ZNF253: variants seen among roughly 807,000 people sequenced by gnomAD.
The protein encoded by ZNF253 is zinc finger protein 253, also known as DNA-binding protein.
Under a neutral mutation model 11.9 loss-of-function variants are expected in ZNF253, and 8 were observed. That is an observed-to-expected ratio of 0.67 (90% CI 0.40 to 1.22). The LOEUF (loss-of-function observed/expected upper bound fraction) is 1.22, where lower values mean the gene tolerates loss of function less well. Among genes scored for constraint, ZNF253 ranks in the 50% most tolerant of loss-of-function variants. The probability of loss-of-function intolerance (pLI) is 0.01; values close to 1 mark genes in which losing one functional copy is unlikely to be tolerated. For missense variants in ZNF253, 485 were observed against 586.9 expected (o/e 0.83, Z 1.79); for synonymous variants, 194 against 194.9 (o/e 1.00, Z 0.04).
rs1439534937 is a variant in ZNF253, at chr19:19,891,538, G to T, written c.291G>T (p.Gly97=). 1 of 1,613,526 alleles carries T rather than the reference G, an allele frequency of 6.2e-7. No individual in the cohort carries two copies. The highest frequency in any genetic ancestry group is 1.3e-5 in the African/African-American group (1 of 74,876). ...ACATACAAAATTCTTTCCAAATAGG[G>T]ATGCTGAGAAGATATGAAGAATGCA... The part of the protein sequence containing the change: ...PENIQNSFQI[G]MLRRYEECRH... Residue 97 remains glycine, a synonymous_variant, in exon 4 of 4, where the codon GGG becomes GGT. Transcript: ENST00000589717.
intron 3 of ZNF253, among the ~76,000 whole-genome samples, chr19:19,882,795 C>T (rs1362584016): frequency 5.9e-5 from 9 of 151,528 alleles, no homozygotes; most frequent in African/African-American, 2.2e-4. Flanking sequence ...CATAGTGAAA[C>T]CCTGTTTCCA....
At chr19:19,871,818 T>G (rs2063134940) in intron 1 of ZNF253, among the ~76,000 whole-genome samples, 1 of 152,172 alleles carries the variant, frequency 6.6e-6, no homozygotes. Context: ...TTTGTCTTAT[T>G]GTGAAGATTT....
chr19:19,884,625 G>A (rs1002666963), intron 3 of ZNF253, among the ~76,000 whole-genome samples: 2 of 152,068 alleles, frequency 1.3e-5, no homozygotes, highest in African/African-American at 2.4e-5. Flanking sequence ...GCCCACCTTG[G>A]CCTCCCAGTG....
chr19:19,880,292 T>TTTTG lies in ZNF253; in HGVS notation c.226+146_226+147insTTTG, dbSNP rs34794238. 2.4e-3 allele frequency: 982 copies of TTTTG among 413,890 alleles called. 13 individuals carry two copies. The highest frequency in any genetic ancestry group is 0.016 in the African/African-American group (680 of 42,156). The allele number at this position is 413,890 out of a possible 1,614,324, so 25.6% of individuals were successfully genotyped here. Reference sequence around the variant, plus strand: ...GCAGCTGTTTTTTTTTTTTTTTTTTTCTCCCACAAAGGGGCATCTTCTGTC... The same window carrying TTTTG: ...GCAGCTGTTTTTTTTTTTTTTTTTTTTTTGCTCCCACAAAGGGGCATCTTCTGTC... On this transcript the variant is annotated intron_variant, in intron 3 of 3. Coordinates refer to ENST00000589717, the MANE Select transcript of ZNF253 (RefSeq NM_021047.3).
chr19:19,873,129 T>C (rs575491974), intron 1 of ZNF253, among the ~76,000 whole-genome samples: 1 of 152,096 alleles, frequency 6.6e-6, no homozygotes, highest in Admixed American at 6.5e-5. Flanking sequence ...GCTACAGTTA[T>C]GTCAGAGGCT....
intron 3 of ZNF253, among the ~76,000 whole-genome samples, chr19:19,885,205 C>CT (rs886334091): frequency 1.3e-5 from 2 of 149,772 alleles, no homozygotes; most frequent in Admixed American, 6.6e-5. Context: ...AATGTCATGT[C>CT]TTTTTTTTGT....
In ZNF253 at chr19:19,892,651, TA is replaced by T; in HGVS notation, c.1407del (p.Lys469AsnfsTer13). 1 of 1,613,572 alleles carries T rather than the reference TA, an allele frequency of 6.2e-7. No homozygotes were observed. Among genetic ancestry groups the T allele is most frequent in the Non-Finnish European group, 8.5e-7 (1 of 1,179,832 alleles). The stretch of plus-strand genomic sequence containing the variant: ...CTTTTAACTGGTCCTCAGACCTTAA[TA>T]AACATAAGAAAATTCATATTGAACG... ...KAFNWSSDLN[K>X]HKKIHIERKP... On this transcript the variant is annotated frameshift_variant, in exon 4 of 4. Coordinates refer to ENST00000589717, the MANE Select transcript of ZNF253 (RefSeq NM_021047.3). LOFTEE classifies it low-confidence loss of function (END_TRUNC).
chr19:19,886,017 C>G (rs983192622), intron 3 of ZNF253, among the ~76,000 whole-genome samples: 1 of 152,102 alleles, frequency 6.6e-6, no homozygotes, highest in African/African-American at 2.4e-5. Context: ...TGTTTTGAGA[C>G]AAGATCTTAC....
upstream of ZNF253, chr19:19,865,838 T>G (rs1474422120): frequency 1.1e-6 from 1 of 946,884 alleles, no homozygotes; most frequent in Admixed American, 1.8e-5. Context: ...GCGAACCACA[T>G]GGTTTCTGGG....
intron 2 of ZNF253, 139 bp downstream of exon 2, chr19:19,878,746 A>G: frequency 1.2e-6 from 1 of 852,148 alleles, no homozygotes; most frequent in South Asian, 2.3e-5. Flanking sequence ...GCCATATTTT[A>G]TTTATATTTC....
intron 1 of ZNF253, among the ~76,000 whole-genome samples, chr19:19,866,501 G>GT (rs34627033): frequency 0.13 from 18,561 of 144,396 alleles, 1,584 homozygotes; most frequent in African/African-American, 0.24. Context: ...AGGAAGGAAG[G>GT]TTTTTTTTTT....
intron 3 of ZNF253, among the ~76,000 whole-genome samples, chr19:19,881,338 A>C (rs932549936): frequency 6.6e-6 from 1 of 152,080 alleles, no homozygotes; most frequent in Non-Finnish European, 1.5e-5. Flanking sequence ...GGCGCAGTTT[A>C]AGTGTATGGA....
intron 1 of ZNF253, among the ~76,000 whole-genome samples, chr19:19,874,757 A>G (rs1041110152): frequency 6.6e-6 from 1 of 151,634 alleles, no homozygotes; most frequent in African/African-American, 2.4e-5. Context: ...TAAAAATACA[A>G]AAAAATTAGC....
Position 19,891,499 on chromosome 19 carries a change from C to T in ZNF253, c.252C>T (p.Asp84=). 1 of 1,602,634 alleles carries T rather than the reference C, an allele frequency of 6.2e-7. No homozygotes were observed. Among genetic ancestry groups the T allele is most frequent in the Non-Finnish European group, 8.5e-7 (1 of 1,174,974 alleles). The part of the protein sequence containing the change: ...PPVMSSHFAQ[D]LWPENIQNSF... The stretch of plus-strand genomic sequence containing the variant: ...TTATGAGTTCTCATTTTGCCCAAGA[C>T]CTTTGGCCAGAGAACATACAAAATT... The change falls in exon 4 of 4, where the codon GAC becomes GAT. Residue 84 remains aspartate (D), a synonymous_variant. Coordinates refer to ENST00000589717, the MANE Select transcript of ZNF253 (RefSeq NM_021047.3).
At position 19,885,309 on chromosome 19, in the gene ZNF253, T is replaced by C. The variant is rs1315669265; in HGVS notation, c.226+5163T>C. Among the ~76,000 whole-genome samples, 76 of 73,652 alleles carry C rather than the reference T, an allele frequency of 1.0e-3. 10 individuals are homozygous for C. The highest frequency in any genetic ancestry group is 8.0e-3 in the African/African-American group (76 of 9,554). The allele number at this position is 73,652 out of a possible 152,430, so 48.3% of individuals were successfully genotyped here. A position where few individuals can be genotyped will look rare whatever the true frequency, so the allele number is the denominator to read the frequency against. The stretch of plus-strand genomic sequence containing the variant: ...TTTCTTTCTCTTTCTTTTCTTTCTT[T>C]CTTTCTTTCTTTCTTTCTTTCTTTC... On this transcript the variant is annotated intron_variant, in intron 3 of 3. Coordinates refer to ENST00000589717, the MANE Select transcript of ZNF253 (RefSeq NM_021047.3).
At chr19:19,880,269 A>C in intron 3 of ZNF253, 123 bp downstream of exon 3, 1 of 508,412 alleles carries the variant, frequency 2.0e-6, no homozygotes, top group East Asian at 5.0e-5. Context: ...GGTCCTGGGC[A>C]GCTGTTTTTT....
At chr19:19,885,686 C>T (rs748781916) in intron 3 of ZNF253, among the ~76,000 whole-genome samples, 2 of 152,044 alleles carry the variant, frequency 1.3e-5, no homozygotes, top group African/African-American at 4.8e-5. Flanking sequence ...CCACCGTGCC[C>T]GGCTTGTTTT....
rs758003839 is a variant in ZNF253 at position 19,892,302 on chromosome 19, C to T, written c.1055C>T (p.Ser352Phe). 6.2e-6 allele frequency: 10 copies of T among 1,611,618 alleles called. No homozygotes were observed. The East Asian group carries it at 2.2e-4, about 36-fold the overall frequency. Residue 352 changes from serine (S) to phenylalanine (F), a missense_variant, in exon 4 of 4, where the codon TCC becomes TTC. Ser to Phe is a radical substitution (Grantham distance 155). This residue lies in a region of ZNF253 where 232 missense variants were observed against 321.4 expected (regional missense o/e 0.72). Transcript: ENST00000589717. ...GAATGTGGCAAAGCCTTTCACCTAT[C>T]CTCACACCTTACTACACATAAGATA... ...CEECGKAFHL[S>F]SHLTTHKILH...
rs147030510 is a variant in ZNF253, at chr19:19,875,754, A to G, written c.4-2727A>G. 3.4e-3 allele frequency among the ~76,000 whole-genome samples: 514 copies of G among 152,012 alleles called. 1 individual carries two copies. The highest frequency in any genetic ancestry group is 8.1e-3 in the Admixed American group (123 of 15,232). ...CTACATTTAGCTTTTATTCTATGTA[A>G]TTTTTTTAAAAAGTTGATGATGGAG... On this transcript the variant is annotated intron_variant, in intron 1 of 3. Coordinates refer to ENST00000589717, the MANE Select transcript of ZNF253 (RefSeq NM_021047.3).
Sources: gnomAD v4.1 joint callset for allele counts (sites outside exome capture counted in the v4.1 genomes callset) on GRCh38, gnomAD v4.1.1 for gene constraint, gnomAD v4.1.1 regional missense constraint, MANE v1.5 for transcripts, NCBI Gene and HGNC (gene_info 2026-07-23, HGNC 2026-07-21) for gene names.